Variants in GRIP1 observed in about 807,000 individuals in gnomAD.
GRIP1 encodes glutamate receptor-interacting protein 1.
GRIP1 carries 45 observed loss-of-function variants against 129.9 expected under a neutral mutation model. The observed-to-expected ratio is 0.35, with a 90% CI of 0.27 to 0.44. The LOEUF (loss-of-function observed/expected upper bound fraction) is 0.44. GRIP1 is among the 20% of genes least tolerant of loss of function. The pLI is 1.00. For synonymous variants in GRIP1, 530 were observed against 520.8 expected (o/e 1.02, Z -0.24); for missense variants, 1,196 against 1,396.8 (o/e 0.86, Z 2.29).
At position 66,574,790 on chromosome 12, in the gene GRIP1, T is replaced by TTCTTTTTTTTTTTTTTC. The variant is rs2063083912; in HGVS notation, c.136+22056_136+22057insGAAAAAAAAAAAAAAGA. On this transcript the variant is annotated intron_variant, in intron 2 of 24. Transcript: ENST00000359742. Reference sequence around the variant, plus strand: ...GGAACTCTCTGTTCCCACTTTTCTTTTTTTTTTTTTTAGACGGAGTCTCGC... The same window carrying TTCTTTTTTTTTTTTTTC: ...GGAACTCTCTGTTCCCACTTTTCTTTTCTTTTTTTTTTTTTTCTTTTTTTTTTTAGACGGAGTCTCGC... Among the ~76,000 whole-genome samples, 4 of 142,150 alleles carry TTCTTTTTTTTTTTTTTC rather than the reference T, an allele frequency of 2.8e-5. No homozygotes were observed. The Admixed American group carries it at 2.9e-4, about 10-fold the overall frequency. The allele number at this position is 142,150 out of a possible 152,430, so 93.3% of individuals were successfully genotyped here.
intron 1 of GRIP1, among the ~76,000 whole-genome samples, chr12:66,669,544 G>A (rs576785416): frequency 6.6e-6 from 1 of 152,286 alleles, no homozygotes; most frequent in Non-Finnish European, 1.5e-5. Context: ...TCTGATGGTT[G>A]TATACAGATA....
At chr12:66,552,073 A>G (rs2062160023) in intron 2 of GRIP1, among the ~76,000 whole-genome samples, 1 of 152,208 alleles carries the variant, frequency 6.6e-6, no homozygotes, top group Non-Finnish European at 1.5e-5. Flanking sequence ...GTAAGGCTGC[A>G]CTACAGCTAG....
At chr12:66,916,974 G>C (rs2041134240) in intron 1 of GRIP1, among the ~76,000 whole-genome samples, 1 of 152,100 alleles carries the variant, frequency 6.6e-6, no homozygotes, top group African/African-American at 2.4e-5. Flanking sequence ...AATAAGATTA[G>C]ACATTTTTGT....
rs114715444 is a variant in GRIP1, at chr12:66,493,826, A to G, written c.724+21793T>C. ...CACTCATGATACCTTTATTATGTTAAGAAGTGAACACAGACTCTAAATTGG... is the reference window on the plus strand; with the variant it reads ...CACTCATGATACCTTTATTATGTTAGGAAGTGAACACAGACTCTAAATTGG... On this transcript the variant is annotated intron_variant, in intron 7 of 24. Transcript: ENST00000359742. Among the ~76,000 whole-genome samples the G allele has an allele frequency of 7.6e-3, 1,153 of 152,314 alleles. 18 individuals carry two copies. The highest frequency in any genetic ancestry group is 0.027 in the African/African-American group (1,106 of 41,580).
At chr12:66,726,257 T>C (rs2036250780) in intron 1 of GRIP1, among the ~76,000 whole-genome samples, 1 of 152,192 alleles carries the variant, frequency 6.6e-6, no homozygotes, top group African/African-American at 2.4e-5. Context: ...AGGCAGCAGG[T>C]CCAGCAATTT....
chr12:66,754,408 TG>T (rs2037221503), intron 1 of GRIP1, among the ~76,000 whole-genome samples: 1 of 152,144 alleles, frequency 6.6e-6, no homozygotes, highest in African/African-American at 2.4e-5. Context: ...CAGCGTTTCT[TG>T]GGGATTATAG....
intron 1 of GRIP1, among the ~76,000 whole-genome samples, chr12:66,662,560 T>C (rs902655386): frequency 6.6e-6 from 1 of 152,166 alleles, no homozygotes; most frequent in African/African-American, 2.4e-5. Context: ...CTTTAGATGA[T>C]TGGGTGAATT....
intron 2 of GRIP1, among the ~76,000 whole-genome samples, chr12:66,545,026 C>T (rs114789144): frequency 0.017 from 2,541 of 152,118 alleles, 76 homozygotes; most frequent in African/African-American, 0.059. Context: ...TTGCAAATAT[C>T]ACTCCCTCAA....
Position 66,377,268 on chromosome 12 carries a change from T to C in GRIP1, c.2639A>G (p.Asp880Gly). ...CTCCTCTTGTTCTGTCTCTGCACTA[T>C]CGGCAGCCCCTGCAAAACTGTTGTC... ...STASGFAGAADSAETEQEENF... is the reference protein window; with the variant it reads ...STASGFAGAAGSAETEQEENF... Residue 880 changes from aspartate (D) to glycine (G), a missense_variant, in exon 21 of 25, where the codon GAT becomes GGT. By Grantham distance (94) the Asp-to-Gly change is moderately conservative. Around this residue, in one of 5 missense-constraint regions of GRIP1, gnomAD observed 427 missense variants for 463.3 expected, o/e 0.92. Coordinates refer to ENST00000359742, the MANE Select transcript of GRIP1 (RefSeq NM_001366722.1). 1 of 1,611,966 alleles carries C rather than the reference T, an allele frequency of 6.2e-7. No homozygotes were observed. Among genetic ancestry groups the C allele is most frequent in the Non-Finnish European group, 8.5e-7 (1 of 1,178,100 alleles).
At chr12:66,989,430 C>A (rs1271217211) in intron 1 of GRIP1, among the ~76,000 whole-genome samples, 1 of 152,082 alleles carries the variant, frequency 6.6e-6, no homozygotes, top group African/African-American at 2.4e-5. Context: ...GGGAAGAGGC[C>A]ATGGCTGTAC....
Position 66,363,459 on chromosome 12 carries a change from C to T in GRIP1, c.3012+8235G>A, listed in dbSNP as rs1203322750. Reference sequence around the variant, plus strand: ...AGACACTGGGTCTCACTATGTTGCCCATGCTGGTGTTTAACTTGTGGGCTC... The same window carrying T: ...AGACACTGGGTCTCACTATGTTGCCTATGCTGGTGTTTAACTTGTGGGCTC... On this transcript the variant is annotated intron_variant, in intron 23 of 24. Coordinates refer to ENST00000359742, the MANE Select transcript of GRIP1 (RefSeq NM_001366722.1). 5.3e-5 allele frequency among the ~76,000 whole-genome samples: 8 copies of T among 149,534 alleles called. No homozygotes were observed. In the East Asian group the frequency reaches 9.8e-4, roughly 18 times the overall value.
At position 66,936,412 on chromosome 12, in the gene GRIP1, C is replaced by A. The variant is rs143120784; in HGVS notation, c.58+132638G>T. Among the ~76,000 whole-genome samples, 836 of 119,142 alleles carry A rather than the reference C, an allele frequency of 7.0e-3. 10 individuals are homozygous for A. The highest frequency in any genetic ancestry group is 0.027 in the African/African-American group (800 of 29,550). The allele number at this position is 119,142 out of a possible 152,430, so 78.2% of individuals were successfully genotyped here. A position where few individuals can be genotyped will look rare whatever the true frequency, so the allele number is the denominator to read the frequency against. ...CTGTACTCCGGCCTGTGTAACAGAGCAAGACCCTGTCTCCAAAAAAAAAAA... is the reference window on the plus strand; with the variant it reads ...CTGTACTCCGGCCTGTGTAACAGAGAAAGACCCTGTCTCCAAAAAAAAAAA... On this transcript the variant is annotated intron_variant, in intron 1 of 1. Coordinates refer to the GRIP1 transcript ENST00000643019.
At chr12:66,520,781 A>G (rs1408972912) in intron 5 of GRIP1, among the ~76,000 whole-genome samples, 1 of 152,164 alleles carries the variant, frequency 6.6e-6, no homozygotes, top group Admixed American at 6.5e-5. Flanking sequence ...TTCATTAGTA[A>G]TTTGATTCGC....
At chr12:66,962,150 T>C (rs1200448708) in intron 1 of GRIP1, among the ~76,000 whole-genome samples, 1 of 152,200 alleles carries the variant, frequency 6.6e-6, no homozygotes. Flanking sequence ...GCTGTGGTAG[T>C]GGTGATGCAA....
At chr12:66,460,284 G>A (rs10878428) in intron 9 of GRIP1, among the ~76,000 whole-genome samples, 63,096 of 151,972 alleles carry the variant, frequency 0.42, 13,985 homozygotes, top group African/African-American at 0.55. Flanking sequence ...TCATTCCATG[G>A]TGACGTCACT....
chr12:67,016,362 C>T (rs1251884904), intron 1 of GRIP1, among the ~76,000 whole-genome samples: 1 of 152,136 alleles, frequency 6.6e-6, no homozygotes, highest in East Asian at 1.9e-4. Flanking sequence ...CTGAAATAAT[C>T]ACTAATATCA....
At chr12:66,506,974 C>T (rs992479559) in intron 7 of GRIP1, among the ~76,000 whole-genome samples, 3 of 151,922 alleles carry the variant, frequency 2.0e-5, no homozygotes, top group Non-Finnish European at 4.4e-5. Flanking sequence ...TCATTTAAAA[C>T]TTATAGACTT....
At chr12:67,011,109 T>C (rs981259539) in intron 1 of GRIP1, among the ~76,000 whole-genome samples, 2 of 152,170 alleles carry the variant, frequency 1.3e-5, no homozygotes, top group Non-Finnish European at 2.9e-5. Flanking sequence ...TTGACATTTG[T>C]ACTTAGCTAT....
intron 1 of GRIP1, among the ~76,000 whole-genome samples, chr12:66,610,552 C>A (rs1052788505): frequency 6.6e-6 from 1 of 152,100 alleles, no homozygotes; most frequent in Non-Finnish European, 1.5e-5. Context: ...AGCTTCTGTA[C>A]TATACCAGGG....
Sources: gnomAD v4.1 joint callset for allele counts (sites outside exome capture counted in the v4.1 genomes callset) on GRCh38, gnomAD v4.1.1 for gene constraint, gnomAD v4.1.1 regional missense constraint, MANE v1.5 for transcripts, NCBI Gene and HGNC (gene_info 2026-07-23, HGNC 2026-07-21) for gene names.